Variants in MAF observed in about 807,000 individuals in gnomAD.
MAF encodes transcription factor Maf.
In MAF, 10 loss-of-function variants were observed where a neutral mutation model predicts 22.0. That is an observed-to-expected ratio of 0.45 (90% CI 0.28 to 0.77). The LOEUF is 0.77. MAF is among the 30% of genes least tolerant of loss of function. The probability of loss-of-function intolerance (pLI) is 0.12; values close to 1 mark genes in which losing one functional copy is unlikely to be tolerated. For missense variants in MAF, 544 were observed against 548.4 expected, an observed-to-expected ratio of 0.99 and a Z score of 0.08; for synonymous variants, 337 against 255.8, an observed-to-expected ratio of 1.32 and a Z score of -3.03.
the MAF span, among the ~76,000 whole-genome samples, chr16:79,545,777 G>C: frequency 1.3e-5 from 2 of 152,136 alleles, no homozygotes; most frequent in East Asian, 3.9e-4. Context: ...TTTTTCAAAG[G>C]ACATAAAATT....
the MAF span, among the ~76,000 whole-genome samples, chr16:79,244,868 C>T: frequency 2.6e-5 from 4 of 151,908 alleles, no homozygotes; most frequent in Non-Finnish European, 2.9e-5. Context: ...CCAAAACAGA[C>T]ATATAGATTA....
the MAF span, among the ~76,000 whole-genome samples, chr16:79,253,101 G>A: frequency 3.1e-3 from 477 of 152,224 alleles, 7 homozygotes; most frequent in Admixed American, 0.023. Context: ...ATAATTACCC[G>A]GTCCTCCTGG....
chr16:79,435,530 C>G, the MAF span, among the ~76,000 whole-genome samples: 1 of 152,204 alleles, frequency 6.6e-6, no homozygotes, highest in African/African-American at 2.4e-5. Context: ...GCCTTACAAC[C>G]AGGCCATGAG....
chr16:79,238,900 T>G, the MAF span, among the ~76,000 whole-genome samples: 1 of 151,996 alleles, frequency 6.6e-6, no homozygotes, highest in African/African-American at 2.4e-5. Flanking sequence ...CATCTTGACC[T>G]GGACTTGTTT....
chr16:79,595,970 T>A lies in MAF; in HGVS notation c.1119-1417A>T, dbSNP rs1001978206. On this transcript the variant is annotated intron_variant, in intron 1 of 1. Transcript: ENST00000326043. ...ACAACTATGATTTGTCATGTTTATG[T>A]TAAATCTTGTCAGGCCTTGCTAACA... 2.9e-5 allele frequency: 31 copies of A among 1,061,610 alleles called. 1 individual carries two copies. Among genetic ancestry groups the A allele is most frequent in the Middle Eastern group, 4.2e-4 (1 of 2,360 alleles). The allele number at this position is 1,061,610 out of a possible 1,614,324, so 65.8% of individuals were successfully genotyped here.
chr16:79,536,512 C>A, the MAF span, among the ~76,000 whole-genome samples: 1 of 152,140 alleles, frequency 6.6e-6, no homozygotes. Context: ...CATGGTGGTG[C>A]ACACCTGTAG....
At chr16:79,490,221 G>A in the MAF span, among the ~76,000 whole-genome samples, 4 of 152,234 alleles carry the variant, frequency 2.6e-5, no homozygotes, top group Admixed American at 1.3e-4. Flanking sequence ...CTGAACTGCT[G>A]TGCGTCTTTA....
the MAF span, among the ~76,000 whole-genome samples, chr16:79,298,089 T>C: frequency 6.6e-6 from 1 of 152,168 alleles, no homozygotes; most frequent in Non-Finnish European, 1.5e-5. Context: ...GACAGCAGAG[T>C]ATTATACCAA....
the MAF span, among the ~76,000 whole-genome samples, chr16:79,295,314 G>T: frequency 6.7e-6 from 1 of 149,232 alleles, no homozygotes; most frequent in African/African-American, 2.6e-5. Flanking sequence ...TGAATCGGGC[G>T]GCCTTCTGAG....
chr16:79,513,612 G>C, the MAF span, among the ~76,000 whole-genome samples: 1 of 152,178 alleles, frequency 6.6e-6, no homozygotes, highest in African/African-American at 2.4e-5. Context: ...CCTTTGACCA[G>C]TTGCGGAATC....
the MAF span, among the ~76,000 whole-genome samples, chr16:79,450,506 G>A: frequency 1.3e-5 from 2 of 152,120 alleles, no homozygotes; most frequent in African/African-American, 4.8e-5. Flanking sequence ...ATAATAAGGA[G>A]GCTTTTCCCC....
At chr16:79,364,554 A>G in the MAF span, among the ~76,000 whole-genome samples, 5 of 152,330 alleles carry the variant, frequency 3.3e-5, no homozygotes, top group African/African-American at 1.2e-4. Context: ...AGTCATGGAC[A>G]CACATCAAAC....
At chr16:79,296,188 T>C in the MAF span, among the ~76,000 whole-genome samples, 1 of 152,236 alleles carries the variant, frequency 6.6e-6, no homozygotes, top group Non-Finnish European at 1.5e-5. Context: ...TAAGTTATTA[T>C]ATACGAAGCA....
chr16:79,294,092 C>A, the MAF span, among the ~76,000 whole-genome samples: 1 of 152,120 alleles, frequency 6.6e-6, no homozygotes, highest in Non-Finnish European at 1.5e-5. Flanking sequence ...ATCTACTGAA[C>A]CTTCTGCACG....
the MAF span, among the ~76,000 whole-genome samples, chr16:79,442,753 T>G: frequency 2.0e-5 from 3 of 152,298 alleles, no homozygotes; most frequent in Middle Eastern, 3.4e-3. Context: ...CAGTAGCCAG[T>G]GTGGCTGAAG....
the MAF span, among the ~76,000 whole-genome samples, chr16:79,504,616 G>A: frequency 6.6e-6 from 1 of 152,116 alleles, no homozygotes; most frequent in Non-Finnish European, 1.5e-5. Flanking sequence ...GATAGAGGAT[G>A]GAAGATGGAT....
the MAF span, among the ~76,000 whole-genome samples, chr16:79,342,375 G>A: frequency 1.3e-5 from 2 of 152,232 alleles, no homozygotes; most frequent in African/African-American, 4.8e-5. Flanking sequence ...ACATCCAAGA[G>A]GGGCTGCAGC....
the MAF span, among the ~76,000 whole-genome samples, chr16:79,475,070 C>T: frequency 2.0e-5 from 3 of 152,176 alleles, no homozygotes; most frequent in Non-Finnish European, 4.4e-5. Context: ...CCAGGCATCC[C>T]GACCAAAGCG....
chr16:79,349,659 C>A, the MAF span, among the ~76,000 whole-genome samples: 122 of 152,282 alleles, frequency 8.0e-4, no homozygotes, highest in East Asian at 0.015. Context: ...ATGCCCTTCA[C>A]ACATGCTGGG....
Sources: gnomAD v4.1 joint callset for allele counts (sites outside exome capture counted in the v4.1 genomes callset) on GRCh38, gnomAD v4.1.1 for gene constraint, MANE v1.5 for transcripts, NCBI Gene and HGNC (gene_info 2026-07-23, HGNC 2026-07-21) for gene names.